Variants in ME1 observed in about 807,000 individuals in gnomAD.
The protein encoded by ME1 is NADP-dependent malic enzyme.
ME1 carries 74 observed loss-of-function variants against 66.4 expected under a neutral mutation model. The observed-to-expected ratio is 1.11, with a 90% CI of 0.92 to 1.35. The LOEUF (loss-of-function observed/expected upper bound fraction) is 1.35, where lower values mean the gene tolerates loss of function less well. Among genes scored for constraint, ME1 ranks in the 40% most tolerant of loss-of-function variants. ME1 has a pLI of 0.00. For missense variants in ME1, 750 were observed against 694.1 expected (o/e 1.08, Z -0.90); for synonymous variants, 251 against 235.6 (o/e 1.07, Z -0.60).
At chr6:83,391,052 A>T (rs1769611294) in intron 3 of ME1, among the ~76,000 whole-genome samples, 1 of 152,134 alleles carries the variant, frequency 6.6e-6, no homozygotes, top group African/African-American at 2.4e-5. Context: ...TTACTGCTGG[A>T]CTTATAAGAC....
chr6:83,325,839 C>T (rs757744151), intron 5 of ME1, among the ~76,000 whole-genome samples: 3 of 151,324 alleles, frequency 2.0e-5, no homozygotes, highest in Non-Finnish European at 4.4e-5. Flanking sequence ...TACCACTGAC[C>T]TCCTTCACAG....
At chr6:83,217,552 G>C (rs1790016653) in intron 12 of ME1, among the ~76,000 whole-genome samples, 2 of 152,160 alleles carry the variant, frequency 1.3e-5, no homozygotes, top group African/African-American at 2.4e-5. Flanking sequence ...TAAGGTAACA[G>C]AGTACGGGAA....
At chr6:83,403,664 A>T (rs185735720) in intron 2 of ME1, among the ~76,000 whole-genome samples, 201 of 151,984 alleles carry the variant, frequency 1.3e-3, no homozygotes, top group Middle Eastern at 3.4e-3. Flanking sequence ...CCTCCACCCC[A>T]CGACAGGCCC....
chr6:83,425,948 G>A (rs1770364226), intron 1 of ME1, among the ~76,000 whole-genome samples: 1 of 152,184 alleles, frequency 6.6e-6, no homozygotes, highest in South Asian at 2.1e-4. Flanking sequence ...TAAGAGGTGG[G>A]ATTTTTATGA....
chr6:83,237,276 AAAG>A (rs1790425339), intron 9 of ME1, among the ~76,000 whole-genome samples: 1 of 73,640 alleles, frequency 1.4e-5, no homozygotes, highest in African/African-American at 5.9e-5. Flanking sequence ...AGAAAGAAAG[AAAG>A]GAAGGAAGGA....
At chr6:83,233,209 C>A (rs1406991518) in intron 9 of ME1, among the ~76,000 whole-genome samples, 1 of 151,938 alleles carries the variant, frequency 6.6e-6, no homozygotes, top group Admixed American at 6.5e-5. Flanking sequence ...TTTTCACTGT[C>A]TTTATTCTTA....
At chr6:83,370,088 G>A (rs1217526245) in intron 3 of ME1, among the ~76,000 whole-genome samples, 1 of 152,050 alleles carries the variant, frequency 6.6e-6, no homozygotes, top group South Asian at 2.1e-4. Context: ...AAAAACTTAG[G>A]TTAAATACAA....
intron 6 of ME1, among the ~76,000 whole-genome samples, chr6:83,295,456 T>C (rs1303894700): frequency 3.3e-5 from 5 of 152,076 alleles, no homozygotes; most frequent in Non-Finnish European, 7.4e-5. Flanking sequence ...AGAATATGGA[T>C]AGGAATGAAG....
intron 6 of ME1, among the ~76,000 whole-genome samples, chr6:83,311,889 G>T (rs78716733): frequency 3.0e-4 from 45 of 152,098 alleles, no homozygotes; most frequent in African/African-American, 9.6e-4. Context: ...ATCCCTAGAG[G>T]CAAAACGGAG....
At chr6:83,424,179 G>A (rs748606760) in intron 1 of ME1, among the ~76,000 whole-genome samples, 1 of 151,446 alleles carries the variant, frequency 6.6e-6, no homozygotes, top group Non-Finnish European at 1.5e-5. Context: ...AGATATAAGA[G>A]GATATAATAC....
chr6:83,275,655 C>T (rs1417110944), intron 6 of ME1, among the ~76,000 whole-genome samples: 4 of 148,452 alleles, frequency 2.7e-5, no homozygotes, highest in African/African-American at 7.4e-5. Flanking sequence ...TTAGTAGAGA[C>T]GGGGTTTCAC....
chr6:83,369,659 GGAAGGAAGGAACGAAGGA>G (rs1769159049), intron 3 of ME1, among the ~76,000 whole-genome samples: 2 of 70,200 alleles, frequency 2.8e-5, no homozygotes, highest in African/African-American at 1.1e-4. Flanking sequence ...GAGAGAGGAA[GGAAGGAAGGAACGAAGGA>G]AGGAAGGAAG....
chr6:83,254,898 T>C (rs1276793870), intron 6 of ME1, among the ~76,000 whole-genome samples: 1 of 152,136 alleles, frequency 6.6e-6, no homozygotes, highest in Non-Finnish European at 1.5e-5. Flanking sequence ...GTCAAACCTC[T>C]CAGAACAGAG....
intron 3 of ME1, among the ~76,000 whole-genome samples, chr6:83,377,913 A>C (rs1191296318): frequency 6.6e-6 from 1 of 152,162 alleles, no homozygotes; most frequent in Non-Finnish European, 1.5e-5. Flanking sequence ...ATAATTAATA[A>C]AGTCACAGAT....
chr6:83,231,162 G>T (rs528515183), intron 9 of ME1, among the ~76,000 whole-genome samples: 25 of 152,084 alleles, frequency 1.6e-4, no homozygotes, highest in Admixed American at 3.9e-4. Context: ...AAATTGCCTA[G>T]AATGGGAAAC....
chr6:83,236,795 T>C (rs748491943), intron 9 of ME1, among the ~76,000 whole-genome samples: 7 of 152,180 alleles, frequency 4.6e-5, no homozygotes, highest in Non-Finnish European at 1.0e-4. Context: ...GGTAGCTATT[T>C]CATTTCTTTC....
At chr6:83,363,607 G>A (rs1004569526) in intron 3 of ME1, among the ~76,000 whole-genome samples, 2 of 152,208 alleles carry the variant, frequency 1.3e-5, no homozygotes, top group Non-Finnish European at 2.9e-5. Flanking sequence ...GGTGTTTGCT[G>A]AAGGCAAAGG....
chr6:83,272,101 T>C (rs1767091642), intron 6 of ME1, among the ~76,000 whole-genome samples: 1 of 152,188 alleles, frequency 6.6e-6, no homozygotes, highest in East Asian at 1.9e-4. Flanking sequence ...AGTCACCCTG[T>C]TTTGCTGTTA....
At position 83,352,542 on chromosome 6, in the gene ME1, C is replaced by T. The variant is rs113414189; in HGVS notation, c.363-403G>A. Among the ~76,000 whole-genome samples the T allele has an allele frequency of 4.4e-3, 663 of 152,200 alleles. 4 individuals carry two copies. Among genetic ancestry groups the T allele is most frequent in the African/African-American group, 0.015 (621 of 41,544 alleles). ...AGCATCTGTAAACAGGTATTTCCAA[C>T]GTATATGCCACCTAATCCATTTTCA... On this transcript the variant is annotated intron_variant, in intron 3 of 13. Transcript: ENST00000369705.
Sources: gnomAD v4.1 joint callset for allele counts (sites outside exome capture counted in the v4.1 genomes callset) on GRCh38, gnomAD v4.1.1 for gene constraint, MANE v1.5 for transcripts, NCBI Gene and HGNC (gene_info 2026-07-23, HGNC 2026-07-21) for gene names.